The following SLC35F4 variants were observed in gnomAD, a reference collection of about 807,000 sequenced individuals.
SLC35F4 encodes the protein chromosome 14 open reading frame 36.
SLC35F4 carries 24 observed loss-of-function variants against 44.2 expected under a neutral mutation model. The ratio of observed to expected loss-of-function variants is 0.54; its 90% CI spans 0.39 to 0.76. SLC35F4 has a LOEUF of 0.76. SLC35F4 is among the 30% of genes least tolerant of loss of function. The probability of loss-of-function intolerance (pLI) is 0.00; values close to 1 mark genes in which losing one functional copy is unlikely to be tolerated. For synonymous variants in SLC35F4, 238 were observed against 223.6 expected (o/e 1.06, Z -0.57); for missense variants, 562 against 586.1 (o/e 0.96, Z 0.42).
At chr14:57,669,747 G>A (rs1349982244) in intron 1 of SLC35F4, among the ~76,000 whole-genome samples, 1 of 151,928 alleles carries the variant, frequency 6.6e-6, no homozygotes, top group Non-Finnish European at 1.5e-5. Context: ...ATTTTATTGA[G>A]GATTTTTGCA....
chr14:57,638,031 G>A (rs1484849711), intron 1 of SLC35F4, among the ~76,000 whole-genome samples: 1 of 152,134 alleles, frequency 6.6e-6, no homozygotes, highest in South Asian at 2.1e-4. Context: ...ATACCAGGCA[G>A]GAGTTAAGCC....
At chr14:57,864,896 T>C (rs1207245759) in intron 1 of SLC35F4, among the ~76,000 whole-genome samples, 2 of 152,206 alleles carry the variant, frequency 1.3e-5, no homozygotes, top group African/African-American at 4.8e-5. Flanking sequence ...GTTTGTGTAC[T>C]GGGGGAGGGG....
chr14:57,661,788 C>T (rs1227741618), intron 1 of SLC35F4, among the ~76,000 whole-genome samples: 1 of 152,186 alleles, frequency 6.6e-6, no homozygotes, highest in Non-Finnish European at 1.5e-5. Context: ...TGCTTGGCCC[C>T]ACTTCCAAAG....
chr14:57,963,023 A>G (rs1344558163), intron 1 of SLC35F4, among the ~76,000 whole-genome samples: 4 of 152,198 alleles, frequency 2.6e-5, no homozygotes, highest in African/African-American at 9.6e-5. Context: ...GCTAGAAGCT[A>G]CCAGGGTAAC....
intron 1 of SLC35F4, among the ~76,000 whole-genome samples, chr14:57,680,072 A>C (rs2074842422): frequency 6.6e-6 from 1 of 152,082 alleles, no homozygotes; most frequent in South Asian, 2.1e-4. Flanking sequence ...CCCAACAAAA[A>C]AAGGAAATTT....
chr14:57,877,418 G>T (rs997453144), intron 1 of SLC35F4, among the ~76,000 whole-genome samples: 1 of 152,022 alleles, frequency 6.6e-6, no homozygotes. Context: ...TGCCATCTAG[G>T]TTTATTCCAT....
At chr14:57,978,118 G>C (rs183961681) in intron 1 of SLC35F4, among the ~76,000 whole-genome samples, 55 of 152,256 alleles carry the variant, frequency 3.6e-4, no homozygotes, top group African/African-American at 1.2e-3. Flanking sequence ...CATGCTCTTT[G>C]CTGGGAGGAA....
At chr14:57,774,585 G>A (rs565764094) in intron 1 of SLC35F4, among the ~76,000 whole-genome samples, 9 of 152,312 alleles carry the variant, frequency 5.9e-5, no homozygotes, top group African/African-American at 2.2e-4. Context: ...AGACCGGGCA[G>A]TCCAATCTGA....
At chr14:57,886,262 C>A (rs1888641966) in intron 1 of SLC35F4, among the ~76,000 whole-genome samples, 1 of 152,150 alleles carries the variant, frequency 6.6e-6, no homozygotes, top group Non-Finnish European at 1.5e-5. Context: ...GGCTAGAGGT[C>A]TAGGTGTAGC....
chr14:57,630,172 A>C, intron 1 of SLC35F4: 1 of 561,388 alleles, frequency 1.8e-6, no homozygotes, highest in Non-Finnish European at 3.6e-6. Flanking sequence ...GGGGATCAGA[A>C]GACACTAAAT....
chr14:57,830,443 A>T (rs1347038414), intron 1 of SLC35F4, among the ~76,000 whole-genome samples: 1 of 152,234 alleles, frequency 6.6e-6, no homozygotes, highest in Admixed American at 6.5e-5. Flanking sequence ...ACAGTCTAAG[A>T]GTAACTTAGA....
chr14:57,566,609 G>T (rs777020308), intron 6 of SLC35F4, 45 bp from the exon 7 acceptor site: 2 of 1,523,152 alleles, frequency 1.3e-6, no homozygotes, highest in Non-Finnish European at 1.8e-6. Context: ...GAAATAATAC[G>T]CTGGACTTTT....
chr14:57,679,867 T>C lies in SLC35F4; in HGVS notation c.104-85743A>G, dbSNP rs530219090. ...AATCGACCAATAACGAGTTCTGAAA[T>C]TGAGGCAGAAATTAATAGCCTACCA... On this transcript the variant is annotated intron_variant, in intron 1 of 7. Transcript: ENST00000556826. Among the ~76,000 whole-genome samples the C allele has an allele frequency of 4.7e-3, 716 of 152,110 alleles. 5 individuals are homozygous for C. The highest frequency in any genetic ancestry group is 7.8e-3 in the Non-Finnish European group (531 of 68,000).
intron 1 of SLC35F4, among the ~76,000 whole-genome samples, chr14:57,619,896 A>G (rs1415387380): frequency 6.6e-6 from 1 of 152,076 alleles, no homozygotes; most frequent in South Asian, 2.1e-4. Flanking sequence ...CGTGAAGCAT[A>G]TAAAGTATCA....
chr14:57,605,670 G>C (rs892208303), intron 1 of SLC35F4, among the ~76,000 whole-genome samples: 6 of 151,780 alleles, frequency 4.0e-5, no homozygotes, highest in African/African-American at 1.5e-4. Context: ...GTTCATAGCA[G>C]CACTATTTAC....
intron 6 of SLC35F4, among the ~76,000 whole-genome samples, chr14:57,567,387 C>T (rs1031055488): frequency 3.3e-5 from 5 of 152,164 alleles, no homozygotes; most frequent in Non-Finnish European, 5.9e-5. Flanking sequence ...ATTCAGAGAT[C>T]TCCATGACAA....
chr14:57,699,089 G>A (rs62005181), intron 1 of SLC35F4, among the ~76,000 whole-genome samples: 8,953 of 152,214 alleles, frequency 0.059, 401 homozygotes, highest in Non-Finnish European at 0.089. Flanking sequence ...ATGTAAGTCT[G>A]CCTTCTGTAG....
At chr14:57,598,213 A>T (rs893354317) in intron 1 of SLC35F4, among the ~76,000 whole-genome samples, 1 of 152,090 alleles carries the variant, frequency 6.6e-6, no homozygotes, top group Non-Finnish European at 1.5e-5. Flanking sequence ...CTCTGCGGAA[A>T]ATTTGGTTGT....
chr14:57,978,506 G>A (rs188492639), intron 1 of SLC35F4, among the ~76,000 whole-genome samples: 14 of 152,286 alleles, frequency 9.2e-5, no homozygotes, highest in East Asian at 7.7e-4. Flanking sequence ...AGACATGACC[G>A]TAGGATCTTC....
Sources: allele counts gnomAD v4.1 joint callset (sites outside exome capture counted in the v4.1 genomes callset), GRCh38; gene constraint gnomAD v4.1.1; transcripts MANE v1.5; gene names NCBI Gene and HGNC (gene_info 2026-07-23, HGNC 2026-07-21).